Variants in KCTD16 observed in about 807,000 individuals in gnomAD.
KCTD16 encodes potassium channel tetramerization domain containing 16.
KCTD16 carries 13 observed loss-of-function variants against 33.2 expected under a neutral mutation model. The observed-to-expected ratio is 0.39, with a 90% CI of 0.25 to 0.62. KCTD16 has a LOEUF of 0.62. Among genes scored for constraint, KCTD16 ranks in the 20% least tolerant of loss-of-function variants. The probability of loss-of-function intolerance (pLI) is 0.50; values close to 1 mark genes in which losing one functional copy is unlikely to be tolerated. For missense variants in KCTD16, 441 were observed against 525.1 expected, an observed-to-expected ratio of 0.84 and a Z score of 1.57; for synonymous variants, 197 against 195.3, an observed-to-expected ratio of 1.01 and a Z score of -0.07.
chr5:144,387,364 G>A (rs1273345506), intron 3 of KCTD16, among the ~76,000 whole-genome samples: 1 of 151,968 alleles, frequency 6.6e-6, no homozygotes, highest in East Asian at 1.9e-4. Flanking sequence ...ATAGATGAAG[G>A]AGCTCCTTTT....
intron 3 of KCTD16, among the ~76,000 whole-genome samples, chr5:144,392,423 T>C (rs77451029): frequency 0.044 from 6,677 of 152,264 alleles, 178 homozygotes; most frequent in Middle Eastern, 0.085. Flanking sequence ...TGCAAAGTCA[T>C]TGAAGTGTAT....
intron 3 of KCTD16, among the ~76,000 whole-genome samples, chr5:144,315,285 A>G (rs779866821): frequency 9.2e-5 from 14 of 152,204 alleles, no homozygotes; most frequent in Non-Finnish European, 2.1e-4. Context: ...TGAACAATCC[A>G]ACGGTGTATA....
At chr5:144,340,016 G>C (rs761595166) in intron 3 of KCTD16, among the ~76,000 whole-genome samples, 43 of 152,162 alleles carry the variant, frequency 2.8e-4, no homozygotes, top group Middle Eastern at 3.4e-3. Context: ...TTAAATAAGG[G>C]GGAAAGGGAG....
chr5:144,367,898 C>T (rs1751874900), intron 3 of KCTD16, among the ~76,000 whole-genome samples: 2 of 150,742 alleles, frequency 1.3e-5, no homozygotes, highest in Admixed American at 1.3e-4. Context: ...TAATTGAGAA[C>T]ATGCAGTATT....
intron 3 of KCTD16, among the ~76,000 whole-genome samples, chr5:144,346,472 C>A (rs1033548548): frequency 3.9e-5 from 6 of 152,104 alleles, no homozygotes; most frequent in African/African-American, 1.4e-4. Flanking sequence ...ACATTCCTAC[C>A]AACAGTGTAC....
chr5:144,411,183 G>C (rs1050199299), intron 3 of KCTD16, among the ~76,000 whole-genome samples: 2 of 152,094 alleles, frequency 1.3e-5, no homozygotes, highest in African/African-American at 4.8e-5. Context: ...TAGAAAAAAA[G>C]TCTTAAAATT....
At chr5:144,234,886 G>T (rs1348772368) in intron 3 of KCTD16, among the ~76,000 whole-genome samples, 4 of 151,976 alleles carry the variant, frequency 2.6e-5, no homozygotes, top group Non-Finnish European at 5.9e-5. Context: ...AAAATGAGTT[G>T]CTGAGATGGG....
At chr5:144,181,894 G>A (rs573528823) in intron 2 of KCTD16, among the ~76,000 whole-genome samples, 2 of 152,232 alleles carry the variant, frequency 1.3e-5, no homozygotes, top group African/African-American at 2.4e-5. Flanking sequence ...AGGAGTTTGA[G>A]ACCAGGCTGG....
At chr5:144,385,671 A>G (rs928592030) in intron 3 of KCTD16, among the ~76,000 whole-genome samples, 1 of 152,086 alleles carries the variant, frequency 6.6e-6, no homozygotes, top group Non-Finnish European at 1.5e-5. Flanking sequence ...GACTGAGTCA[A>G]CTCTTGGTTC....
chr5:144,428,680 A>G (rs1580957506), intron 3 of KCTD16, among the ~76,000 whole-genome samples: 1 of 152,178 alleles, frequency 6.6e-6, no homozygotes, highest in Admixed American at 6.6e-5. Flanking sequence ...TCGTTGGGAT[A>G]TAGCAGGGGA....
intron 3 of KCTD16, among the ~76,000 whole-genome samples, chr5:144,374,993 C>T (rs1426663893): frequency 1.3e-5 from 2 of 152,176 alleles, no homozygotes; most frequent in East Asian, 1.9e-4. Flanking sequence ...TGTTCCCCAG[C>T]AATTATGCAT....
intron 1 of KCTD16, among the ~76,000 whole-genome samples, chr5:144,174,078 T>C (rs916566222): frequency 1.2e-4 from 18 of 152,100 alleles, no homozygotes; most frequent in African/African-American, 4.1e-4. Context: ...TGAGCTAGAC[T>C]TGTAATAGCT....
chr5:144,403,948 G>A (rs1752758561), intron 3 of KCTD16, among the ~76,000 whole-genome samples: 2 of 152,164 alleles, frequency 1.3e-5, no homozygotes, highest in South Asian at 4.1e-4. Context: ...CATGTAGGAG[G>A]GGCTGGCAAT....
intron 3 of KCTD16, among the ~76,000 whole-genome samples, chr5:144,316,688 T>C (rs1751925408): frequency 6.6e-6 from 1 of 151,820 alleles, no homozygotes; most frequent in Non-Finnish European, 1.5e-5. Flanking sequence ...AATTTTTGTA[T>C]TTTTAGTGGA....
At chr5:144,441,206 A>G (rs1309991356) in intron 3 of KCTD16, among the ~76,000 whole-genome samples, 2 of 151,986 alleles carry the variant, frequency 1.3e-5, no homozygotes, top group Non-Finnish European at 2.9e-5. Context: ...CTCCAATTCC[A>G]TGGGTTTTCT....
intron 3 of KCTD16, among the ~76,000 whole-genome samples, chr5:144,268,310 C>A (rs149210064): frequency 3.3e-5 from 5 of 152,372 alleles, no homozygotes; most frequent in African/African-American, 1.2e-4. Context: ...ATTTGCTACA[C>A]ATCGCGCTAT....
chr5:144,370,246 G>A (rs542377811), intron 3 of KCTD16, among the ~76,000 whole-genome samples: 22 of 152,200 alleles, frequency 1.4e-4, no homozygotes, highest in South Asian at 1.2e-3. Context: ...GGGGTAGAAG[G>A]GGTAGAAAGT....
intron 3 of KCTD16, among the ~76,000 whole-genome samples, chr5:144,246,820 AT>A (rs537688079): frequency 2.4e-4 from 37 of 151,740 alleles, no homozygotes; most frequent in Admixed American, 1.2e-3. Context: ...TTTCTGTGTC[AT>A]TCCTCCAACT....
chr5:144,377,265 C>G (rs912516371), intron 3 of KCTD16, among the ~76,000 whole-genome samples: 5 of 152,168 alleles, frequency 3.3e-5, no homozygotes, highest in African/African-American at 9.6e-5. Flanking sequence ...AATAGAGGTC[C>G]TGGATACAGC....
Sources: gnomAD v4.1 joint callset for allele counts (sites outside exome capture counted in the v4.1 genomes callset) on GRCh38, gnomAD v4.1.1 for gene constraint, MANE v1.5 for transcripts, NCBI Gene and HGNC (gene_info 2026-07-23, HGNC 2026-07-21) for gene names.